IDO1: variants seen among roughly 807,000 people sequenced by gnomAD.
The protein encoded by IDO1 is indoleamine 2,3-dioxygenase 1.
Under a neutral mutation model 38.8 loss-of-function variants are expected in IDO1, and 35 were observed. The observed-to-expected ratio is 0.90, with a 90% CI of 0.69 to 1.20. The LOEUF is 1.20. IDO1 is among the 50% of genes most tolerant of loss of function. The pLI is 0.00. For missense variants in IDO1, 509 were observed against 485.1 expected (o/e 1.05, Z -0.46); for synonymous variants, 171 against 170.0 (o/e 1.01, Z -0.05).
intron 5 of IDO1, among the ~76,000 whole-genome samples, chr8:39,921,133 G>A (rs914152931): frequency 2.0e-5 from 3 of 152,174 alleles, no homozygotes; most frequent in Admixed American, 1.3e-4. Context: ...TATCAAAGCT[G>A]AAGGATGGCT....
At chr8:39,918,243 A>G (rs1277921414) in intron 3 of IDO1, 36 bp downstream of exon 3, 1 of 1,587,376 alleles carries the variant, frequency 6.3e-7, no homozygotes, top group Admixed American at 1.7e-5. Context: ...ATGCTATGTG[A>G]CAGATTTTCA....
chr8:39,927,841 C>T lies in IDO1; in HGVS notation c.868C>T (p.Gln290Ter). 1 of 1,535,120 alleles carries T rather than the reference C, an allele frequency of 6.5e-7. No individual in the cohort carries two copies. The highest frequency in any genetic ancestry group is 2.1e-5 in the Admixed American group (1 of 48,290). The change falls in exon 10 of 10, where the codon CAG becomes TAG. Residue 290 changes from glutamine to a stop codon, truncating the protein, a stop_gained. Transcript: ENST00000518237. LOFTEE classifies it low-confidence loss of function (END_TRUNC). ...QQTAGGGHAA[Q>*]FLQDMRRYMP... ...TCTTTTTCCTATAGGACATGCTGCT[C>T]AGTTCCTCCAGGACATGAGAAGATA...
rs1173666738 is a variant in IDO1 at position 39,918,130 on chromosome 8, C to T, written c.226C>T (p.Gln76Ter). ...SIDHLTDHKS[Q>*]RLARLVLGCI... Reference sequence around the variant, plus strand: ...TGATCATCTCACAGACCACAAGTCACAGCGCCTTGCACGTCTAGTTCTGGG... The same window carrying T: ...TGATCATCTCACAGACCACAAGTCATAGCGCCTTGCACGTCTAGTTCTGGG... The change falls in exon 3 of 10, where the codon CAG becomes TAG. Residue 76 changes from glutamine to a stop codon, truncating the protein, a stop_gained. Transcript: ENST00000518237. LOFTEE classifies it high-confidence loss of function. 1.9e-6 allele frequency: 3 copies of T among 1,613,852 alleles called. No homozygotes were observed. Among genetic ancestry groups the T allele is most frequent in the Admixed American group, 1.7e-5 (1 of 60,004 alleles).
chr8:39,918,057 G>T, intron 2 of IDO1, 31 bp from the exon 3 acceptor site: 1 of 1,613,470 alleles, frequency 6.2e-7, no homozygotes, highest in Non-Finnish European at 8.5e-7. Flanking sequence ...TACTGAGATT[G>T]ATTTGAGTCA....
intron 9 of IDO1, among the ~76,000 whole-genome samples, chr8:39,927,504 G>A (rs1055361450): frequency 6.7e-6 from 1 of 150,118 alleles, no homozygotes; most frequent in South Asian, 2.1e-4. Flanking sequence ...AGGTTGCGGC[G>A]AGCCGAGATC....
Position 39,924,741 on chromosome 8 carries a change from T to C in IDO1, c.676T>C (p.Phe226Leu). ...TACAGATCATGTGAACCCAAAAGCA[T>C]TTTTCAGTGTTCTTCGCATATATTT... ...QIHDHVNPKA[F>L]FSVLRIYLSG... Residue 226 changes from phenylalanine (F) to leucine (L), a missense_variant, in exon 8 of 10, where the codon TTT (phenylalanine) becomes CTT (leucine). Transcript: ENST00000518237. The C allele has an allele frequency of 1.2e-6, 2 of 1,609,572 alleles. No individual in the cohort carries two copies. Among genetic ancestry groups the C allele is most frequent in the African/African-American group, 2.7e-5 (2 of 74,974 alleles).
In IDO1 at chr8:39,914,828, C is replaced by T. The variant is rs551699279; in HGVS notation, c.87+819C>T. Among the ~76,000 whole-genome samples the T allele has an allele frequency of 1.1e-4, 17 of 152,194 alleles. No individual in the cohort carries two copies. In the East Asian group the frequency reaches 2.9e-3, roughly 26 times the overall value. Reference sequence around the variant, plus strand: ...TCACCTGGGCTGGAGTGCAGTGGCACGATCTCAGCTCACTGCAACCTCTGC... The same window carrying T: ...TCACCTGGGCTGGAGTGCAGTGGCATGATCTCAGCTCACTGCAACCTCTGC... On this transcript the variant is annotated intron_variant, in intron 1 of 9. Transcript: ENST00000518237.
At chr8:39,915,700 A>G (rs1189497853) in intron 1 of IDO1, 1 of 152,228 alleles carries the variant, frequency 6.6e-6, no homozygotes, top group East Asian at 1.9e-4. Flanking sequence ...CAATAAAACC[A>G]TCTTTTTCAG....
chr8:39,928,274 A>C lies in IDO1; in HGVS notation c.*89A>C. On this transcript the variant is annotated 3_prime_UTR_variant, in exon 10 of 10. Transcript: ENST00000518237. Reference sequence around the variant, plus strand: ...CATTGTAACAGAGCCACAAACTAATACTATGCAATGTTTTACCAATAATGC... The same window carrying C: ...CATTGTAACAGAGCCACAAACTAATCCTATGCAATGTTTTACCAATAATGC... 1 of 869,918 alleles carries C rather than the reference A, an allele frequency of 1.1e-6. No individual in the cohort carries two copies. Among genetic ancestry groups the C allele is most frequent in the Admixed American group, 2.8e-5 (1 of 35,992 alleles). The allele number at this position is 869,918 out of a possible 1,614,324, so 53.9% of individuals were successfully genotyped here. A position where few individuals can be genotyped will look rare whatever the true frequency, so the allele number is the denominator to read the frequency against.
At position 39,928,601 on chromosome 8, in the gene IDO1, C is replaced by T. The variant is rs867945322; in HGVS notation, c.*416C>T. 0.01 allele frequency among the ~76,000 whole-genome samples: 1,585 copies of T among 151,882 alleles called. 29 individuals are homozygous for T. Among genetic ancestry groups the T allele is most frequent in the African/African-American group, 0.036 (1,490 of 41,428 alleles). ...ACAAAAAATTAGCCGGGCGCGGTGG[C>T]GGGCACCTGTAGTCCCAGCTACTCG... On this transcript the variant is annotated 3_prime_UTR_variant, in exon 10 of 10. Transcript: ENST00000518237.
At chr8:39,925,826 G>A (rs1807350811) in intron 9 of IDO1, among the ~76,000 whole-genome samples, 1 of 152,086 alleles carries the variant, frequency 6.6e-6, no homozygotes, top group Non-Finnish European at 1.5e-5. Context: ...AGAGGTTGCA[G>A]TGAGCCAAGA....
At chr8:39,922,481 T>A in intron 5 of IDO1, 71 bp from the exon 6 acceptor site, 1 of 930,404 alleles carries the variant, frequency 1.1e-6, no homozygotes, top group Non-Finnish European at 1.8e-6. Context: ...TAAAATAGCA[T>A]AAATAAAAAT....
intron 9 of IDO1, among the ~76,000 whole-genome samples, chr8:39,925,750 G>T (rs914859761): frequency 1.3e-5 from 2 of 152,034 alleles, no homozygotes; most frequent in Admixed American, 6.6e-5. Flanking sequence ...TGAGTGTGGT[G>T]GTGGGTGCCT....
At position 39,928,012 on chromosome 8, in the gene IDO1, C is replaced by G. The variant is rs780546669; in HGVS notation, c.1039C>G (p.Leu347Val). The G allele has an allele frequency of 1.2e-6, 2 of 1,606,624 alleles. No individual in the cohort carries two copies. Among genetic ancestry groups the G allele is most frequent in the Admixed American group, 3.4e-5 (2 of 58,590 alleles). ...KALVSLRSYH[L>V]QIVTKYILIP... ...TCTGGTCTCCCTGAGGAGCTACCAT[C>G]TGCAAATCGTGACTAAGTACATCCT... Residue 347 changes from leucine to valine, a missense_variant, in exon 10 of 10, where the codon CTG becomes GTG. Coordinates refer to ENST00000518237, the MANE Select transcript of IDO1 (RefSeq NM_002164.6).
In IDO1 at chr8:39,917,936, TAG is replaced by T. The variant is rs748707039; in HGVS notation, c.152_153del (p.Glu51ValfsTer9). The T allele has an allele frequency of 1.9e-6, 3 of 1,613,510 alleles. No homozygotes were observed. Among genetic ancestry groups the T allele is most frequent in the African/African-American group, 2.7e-5 (2 of 75,022 alleles). ...ATTGCTAAACATCTGCCTGATCTCA[TAG>T]AGTCTGGCCAGCTTCGAGAAAGAGT... On this transcript the variant is annotated frameshift_variant, in exon 2 of 10. Coordinates refer to ENST00000518237, the MANE Select transcript of IDO1 (RefSeq NM_002164.6). LOFTEE classifies it high-confidence loss of function.
intron 7 of IDO1, 50 bp downstream of exon 7, chr8:39,923,636 C>T (rs927263671): frequency 1.1e-5 from 12 of 1,098,974 alleles, no homozygotes; most frequent in Non-Finnish European, 1.7e-5. Context: ...TCAAATGTTC[C>T]AGGTGTAGAA....
chr8:39,926,413 C>T (rs1461024519), intron 9 of IDO1, among the ~76,000 whole-genome samples: 3 of 152,140 alleles, frequency 2.0e-5, no homozygotes, highest in Non-Finnish European at 4.4e-5. Context: ...ACCTCAGTGA[C>T]AAGCAGAGTC....
chr8:39,918,682 G>T lies in IDO1; in HGVS notation c.304-133G>T, dbSNP rs1034997325. On this transcript the variant is annotated intron_variant, in intron 3 of 9. Transcript: ENST00000518237. ...AATCACTTGAACCTGGGAGGCAGAG[G>T]TTGCAGTGAGCCGAGATCCTGCCAC... 6 of 575,460 alleles carry T rather than the reference G, an allele frequency of 1.0e-5. No homozygotes were observed. The Admixed American group carries it at 1.3e-4, about 12-fold the overall frequency. 35.6% of individuals were successfully genotyped at this position (575,460 alleles called of 1,614,324 possible). A position where few individuals can be genotyped will look rare whatever the true frequency, so the allele number is the denominator to read the frequency against.
Position 39,924,764 on chromosome 8 carries a change from T to C in IDO1, c.699T>C (p.Tyr233=). 6.2e-7 allele frequency: 1 copy of C among 1,607,494 alleles called. No homozygotes were observed. Among genetic ancestry groups the C allele is most frequent in the Non-Finnish European group, 8.5e-7 (1 of 1,174,706 alleles). The part of the protein sequence containing the change: ...PKAFFSVLRI[Y]LSGWKGNPQL... ...CATTTTTCAGTGTTCTTCGCATATATTTGTCTGGGTATGTAGTCTTATGTT... is the reference window on the plus strand; with the variant it reads ...CATTTTTCAGTGTTCTTCGCATATACTTGTCTGGGTATGTAGTCTTATGTT... Residue 233 remains tyrosine (Y), a synonymous_variant, in exon 8 of 10, where the codon TAT becomes TAC. Transcript: ENST00000518237.
Sources: gnomAD v4.1 joint callset for allele counts (sites outside exome capture counted in the v4.1 genomes callset) on GRCh38, gnomAD v4.1.1 for gene constraint, MANE v1.5 for transcripts, NCBI Gene and HGNC (gene_info 2026-07-23, HGNC 2026-07-21) for gene names.